Variants in TEKT5 observed in about 807,000 individuals in gnomAD.
The protein encoded by TEKT5 is tektin 5.
A neutral mutation model predicts 48.7 loss-of-function variants in TEKT5; 52 were observed. That is an observed-to-expected ratio of 1.07 (90% CI 0.86 to 1.35). TEKT5 has a LOEUF of 1.35. Ranked by LOEUF, TEKT5 falls within the 40% of genes most tolerant of loss-of-function variation. The pLI, the probability that TEKT5 is intolerant of heterozygous loss-of-function variation, is 0.00. For missense variants in TEKT5, 831 were observed against 641.6 expected (o/e 1.30, Z -3.19); for synonymous variants, 318 against 267.6 (o/e 1.19, Z -1.84).
At chr16:10,681,293 C>A (rs1337544347) in intron 4 of TEKT5, among the ~76,000 whole-genome samples, 1 of 151,908 alleles carries the variant, frequency 6.6e-6, no homozygotes, top group Non-Finnish European at 1.5e-5. Context: ...CAGAAATGGC[C>A]CAAAGAAATG....
intron 3 of TEKT5, among the ~76,000 whole-genome samples, chr16:10,685,998 G>A (rs1458243140): frequency 6.6e-6 from 1 of 152,114 alleles, no homozygotes; most frequent in Non-Finnish European, 1.5e-5. Context: ...CCAAACGTCA[G>A]CCCTCCTGTC....
chr16:10,692,126 G>T (rs540668146), intron 1 of TEKT5, among the ~76,000 whole-genome samples: 1 of 152,004 alleles, frequency 6.6e-6, no homozygotes, highest in Non-Finnish European at 1.5e-5. Flanking sequence ...GATGTCGATG[G>T]TCCCCCTGCC....
In TEKT5 at chr16:10,630,798, C is replaced by T. The variant is rs1364316325; in HGVS notation, c.1242-2999G>A. On this transcript the variant is annotated intron_variant, in intron 6 of 6. Transcript: ENST00000283025. ...CTTTGGGAGGCTGAGGCGGGCAGAT[C>T]ACTTGAGGTCAGGGGTTCGAGACCA... Among the ~76,000 whole-genome samples the T allele has an allele frequency of 1.3e-5, 2 of 151,764 alleles. 1 individual carries two copies. The highest frequency in any genetic ancestry group is 2.9e-5 in the Non-Finnish European group (2 of 67,912).
chr16:10,667,900 TGG>T (rs1404929661), intron 5 of TEKT5, among the ~76,000 whole-genome samples: 1 of 151,094 alleles, frequency 6.6e-6, no homozygotes. Context: ...TTTTTTGAGA[TGG>T]AGACTCGCTC....
intron 6 of TEKT5, among the ~76,000 whole-genome samples, chr16:10,633,453 C>T (rs1204937159): frequency 2.0e-5 from 3 of 152,138 alleles, no homozygotes; most frequent in South Asian, 2.1e-4. Context: ...GAAGCAGGGG[C>T]AGAGGGAAGA....
At chr16:10,641,542 T>C (rs1245506378) in intron 5 of TEKT5, among the ~76,000 whole-genome samples, 1 of 152,188 alleles carries the variant, frequency 6.6e-6, no homozygotes, top group Non-Finnish European at 1.5e-5. Context: ...CATAGAGGCC[T>C]GGCGTGGTAG....
At chr16:10,664,511 T>A (rs1452397062) in intron 5 of TEKT5, among the ~76,000 whole-genome samples, 1 of 152,200 alleles carries the variant, frequency 6.6e-6, no homozygotes, top group Admixed American at 6.5e-5. Context: ...TAACTTTTGG[T>A]CCTCAGTCCT....
chr16:10,631,272 AAGAG>A lies in TEKT5; in HGVS notation c.1242-3477_1242-3474del, dbSNP rs557009066. On this transcript the variant is annotated intron_variant, in intron 6 of 6. Coordinates refer to ENST00000283025, the MANE Select transcript of TEKT5 (RefSeq NM_144674.2). Reference sequence around the variant, plus strand: ...CTCCATCTCAAAAAAAAAAAAAAAAAAGAGAGAGAGAGAGAGAGAAAAGCACATG... The same window carrying A: ...CTCCATCTCAAAAAAAAAAAAAAAAAAGAGAGAGAGAGAGAAAAGCACATG... 1.1e-3 allele frequency among the ~76,000 whole-genome samples: 145 copies of A among 128,840 alleles called. 2 individuals carry two copies. Among genetic ancestry groups the A allele is most frequent in the Middle Eastern group, 4.1e-3 (1 of 242 alleles). 84.5% of individuals were successfully genotyped at this position (128,840 alleles called of 152,430 possible).
intron 6 of TEKT5, among the ~76,000 whole-genome samples, chr16:10,634,402 G>C (rs188667236): frequency 1.8e-4 from 28 of 152,248 alleles, no homozygotes; most frequent in South Asian, 6.2e-4. Flanking sequence ...AAGAAGTACT[G>C]CTATGAAACC....
Position 10,633,736 on chromosome 16 carries a change from G to A in TEKT5, c.1241+2028C>T, listed in dbSNP as rs76977522. Among the ~76,000 whole-genome samples the A allele has an allele frequency of 1.2e-4, 18 of 152,098 alleles. No individual in the cohort carries two copies. The East Asian group carries it at 3.1e-3, about 26-fold the overall frequency. ...TTTTGTATTTTATTTTTTAGAGATA[G>A]TGTCTTGCTGTGTTGTCCAGGCTGG... On this transcript the variant is annotated intron_variant, in intron 6 of 6. Coordinates refer to ENST00000283025, the MANE Select transcript of TEKT5 (RefSeq NM_144674.2).
intron 5 of TEKT5, among the ~76,000 whole-genome samples, chr16:10,644,473 C>T (rs532959975): frequency 1.2e-4 from 18 of 152,322 alleles, no homozygotes; most frequent in African/African-American, 7.2e-5. Flanking sequence ...AATCTCACCT[C>T]TCCAGGTCCT....
rs7185933 is a variant in TEKT5 at position 10,652,838 on chromosome 16, C to T, written c.1087-16920G>A. ...ACGATCCCTTATATACACAGGCAGA[C>T]ACACACACACACACACACACACACA... On this transcript the variant is annotated intron_variant, in intron 5 of 6. Transcript: ENST00000283025. 7.9e-5 allele frequency among the ~76,000 whole-genome samples: 4 copies of T among 50,898 alleles called. No homozygotes were observed. The African/African-American group carries it at 9.1e-4, about 12-fold the overall frequency. The allele number at this position is 50,898 out of a possible 152,430, so 33.4% of individuals were successfully genotyped here.
chr16:10,628,945 A>C (rs1897796107), intron 6 of TEKT5, among the ~76,000 whole-genome samples: 1 of 151,954 alleles, frequency 6.6e-6, no homozygotes, highest in South Asian at 2.1e-4. Context: ...TAATACCTGC[A>C]ACAACATGAA....
intron 5 of TEKT5, among the ~76,000 whole-genome samples, chr16:10,661,813 C>G (rs998463841): frequency 6.6e-6 from 1 of 152,120 alleles, no homozygotes; most frequent in Non-Finnish European, 1.5e-5. Context: ...ATCACCAAAC[C>G]TCTGTGAGCC....
At chr16:10,665,538 A>G (rs1180141614) in intron 5 of TEKT5, among the ~76,000 whole-genome samples, 2 of 151,614 alleles carry the variant, frequency 1.3e-5, no homozygotes, top group Non-Finnish European at 2.9e-5. Flanking sequence ...TCTGTCGCCT[A>G]CCTCCCCAGC....
Position 10,694,289 on chromosome 16 carries a change from T to C in TEKT5, c.564+21A>G, listed in dbSNP as rs201126200. The C allele has an allele frequency of 8.6e-5, 133 of 1,546,254 alleles. No homozygotes were observed. In the African/African-American group the frequency reaches 1.6e-3, roughly 19 times the overall value. ...TATCCCCAGGACACAGCCACAGCCC[T>C]GTCCCCACCCCTGTACTCACCTGCA... On this transcript the variant is annotated intron_variant, in intron 1 of 6. Transcript: ENST00000283025.
intron 5 of TEKT5, among the ~76,000 whole-genome samples, chr16:10,652,869 A>ACACACCC (rs1178174946): frequency 1.1e-5 from 1 of 88,902 alleles, no homozygotes; most frequent in Non-Finnish European, 2.2e-5. Flanking sequence ...ACACACACAC[A>ACACACCC]CCCTCCAGGT....
chr16:10,639,262 G>A (rs1341742285), intron 5 of TEKT5, among the ~76,000 whole-genome samples: 1 of 151,394 alleles, frequency 6.6e-6, no homozygotes, highest in Non-Finnish European at 1.5e-5. Context: ...AGCTATGATC[G>A]CACCACTGCA....
At chr16:10,648,863 A>G (rs575050817) in intron 5 of TEKT5, among the ~76,000 whole-genome samples, 1 of 152,242 alleles carries the variant, frequency 6.6e-6, no homozygotes, top group Admixed American at 6.5e-5. Flanking sequence ...CTTCCCTTAT[A>G]TTTATTTTCT....
Sources: gnomAD v4.1 joint callset for allele counts (sites outside exome capture counted in the v4.1 genomes callset) on GRCh38, gnomAD v4.1.1 for gene constraint, MANE v1.5 for transcripts, NCBI Gene and HGNC (gene_info 2026-07-23, HGNC 2026-07-21) for gene names.